NRXN1: variants seen among roughly 807,000 people sequenced by gnomAD.
NRXN1 encodes the protein neurexin-1.
In NRXN1, 39 loss-of-function variants were observed where a neutral mutation model predicts 150.9. That is an observed-to-expected ratio of 0.26 (90% CI 0.20 to 0.34). The LOEUF is 0.34. Among genes scored for constraint, NRXN1 ranks in the 10% least tolerant of loss-of-function variants. NRXN1 has a pLI of 1.00. For synonymous variants in NRXN1, 924 were observed against 757.0 expected (o/e 1.22, Z -3.62); for missense variants, 1,815 against 1,949.9 (o/e 0.93, Z 1.30).
intron 21 of NRXN1, among the ~76,000 whole-genome samples, chr2:49,947,005 A>C (rs112202509): frequency 2.0e-5 from 3 of 152,186 alleles, no homozygotes; most frequent in African/African-American, 7.2e-5. Context: ...TCCTTTTGGC[A>C]CAACTACATC....
At chr2:50,731,973 G>T (rs1257017935) in intron 5 of NRXN1, among the ~76,000 whole-genome samples, 1 of 152,068 alleles carries the variant, frequency 6.6e-6, no homozygotes. Flanking sequence ...TGAAATGTGT[G>T]CCTTCATCTG....
At chr2:50,200,012 T>A (rs1339416163) in intron 18 of NRXN1, among the ~76,000 whole-genome samples, 1 of 152,124 alleles carries the variant, frequency 6.6e-6, no homozygotes, top group East Asian at 1.9e-4. Flanking sequence ...GATGACAGAG[T>A]AACCTATTAA....
At chr2:51,029,481 C>G (rs116084465) in intron 1 of NRXN1, among the ~76,000 whole-genome samples, 11 of 152,058 alleles carry the variant, frequency 7.2e-5, no homozygotes, top group Non-Finnish European at 5.9e-5. Flanking sequence ...TTTTTCTTTT[C>G]GCAAGATAGT....
intron 2 of NRXN1, among the ~76,000 whole-genome samples, chr2:50,937,219 A>G (rs1688684571): frequency 6.6e-6 from 1 of 152,164 alleles, no homozygotes; most frequent in Non-Finnish European, 1.5e-5. Context: ...GATGTTAGCC[A>G]TTATATTATT....
chr2:50,542,316 C>T (rs1558909078), intron 9 of NRXN1, among the ~76,000 whole-genome samples: 2 of 151,820 alleles, frequency 1.3e-5, no homozygotes. Context: ...AGATAGAGAA[C>T]AAGCAACAAA....
At chr2:49,937,059 T>C (rs1671167286) in intron 22 of NRXN1, among the ~76,000 whole-genome samples, 1 of 152,212 alleles carries the variant, frequency 6.6e-6, no homozygotes, top group African/African-American at 2.4e-5. Flanking sequence ...ATGGAGGACT[T>C]GGGAGCCATC....
rs186601583 is a variant in NRXN1 at position 50,616,675 on chromosome 2, T to C, written c.1320+3347A>G. On this transcript the variant is annotated intron_variant, in intron 8 of 22. Transcript: ENST00000401669. ...GGTCAAGTAACTTCTCTAGGTCTGT[T>C]TCCCCAAAGGAAGAAAGTTGAACTT... Among the ~76,000 whole-genome samples the C allele has an allele frequency of 3.5e-3, 535 of 152,290 alleles. 3 individuals are homozygous for C. The highest frequency in any genetic ancestry group is 5.1e-3 in the Non-Finnish European group (346 of 68,014).
intron 19 of NRXN1, among the ~76,000 whole-genome samples, chr2:50,064,203 T>C (rs1478824011): frequency 6.6e-6 from 1 of 151,778 alleles, no homozygotes; most frequent in East Asian, 1.9e-4. Flanking sequence ...AGATAAAATA[T>C]GTGTCTCTAT....
chr2:49,949,137 T>C (rs1213495823), intron 21 of NRXN1, among the ~76,000 whole-genome samples: 3 of 152,008 alleles, frequency 2.0e-5, no homozygotes, highest in Admixed American at 6.6e-5. Flanking sequence ...TTGAGAAATA[T>C]GTCAGGACGG....
At chr2:50,360,386 T>G (rs993221111) in intron 17 of NRXN1, among the ~76,000 whole-genome samples, 1 of 152,138 alleles carries the variant, frequency 6.6e-6, no homozygotes, top group African/African-American at 2.4e-5. Context: ...CAGACACATA[T>G]AGGCTCAAAA....
intron 17 of NRXN1, among the ~76,000 whole-genome samples, chr2:50,424,543 C>G (rs957791894): frequency 1.2e-4 from 18 of 152,112 alleles, no homozygotes; most frequent in Non-Finnish European, 2.4e-4. Context: ...CTACCTAACA[C>G]TGGCTCTCTA....
At chr2:50,937,699 CTT>C (rs1688755220) in intron 2 of NRXN1, among the ~76,000 whole-genome samples, 1 of 152,054 alleles carries the variant, frequency 6.6e-6, no homozygotes, top group African/African-American at 2.4e-5. Flanking sequence ...ACAACTGTCT[CTT>C]AAACTCAAAA....
chr2:50,421,748 G>A (rs917905663), intron 17 of NRXN1, among the ~76,000 whole-genome samples: 1 of 152,070 alleles, frequency 6.6e-6, no homozygotes, highest in African/African-American at 2.4e-5. Context: ...AGTGCATACT[G>A]CAAGTTAAAA....
intron 18 of NRXN1, among the ~76,000 whole-genome samples, chr2:50,216,371 TGAG>T (rs2063401553): frequency 1.3e-5 from 2 of 152,100 alleles, no homozygotes; most frequent in Admixed American, 6.6e-5. Flanking sequence ...CAACACAGTA[TGAG>T]AAGAAGGGTT....
chr2:50,602,533 A>T (rs1195903184), intron 8 of NRXN1, among the ~76,000 whole-genome samples: 7 of 152,040 alleles, frequency 4.6e-5, no homozygotes, highest in African/African-American at 1.7e-4. Context: ...CTTATTTTTA[A>T]ATTTTGTACA....
rs571553931 is a variant in NRXN1 at position 50,500,304 on chromosome 2, G to A, written c.2498-2590C>T. Among the ~76,000 whole-genome samples the A allele has an allele frequency of 8.6e-5, 13 of 151,918 alleles. No individual in the cohort carries two copies. The South Asian group carries it at 2.3e-3, about 27-fold the overall frequency. The stretch of plus-strand genomic sequence containing the variant: ...GCACACAGAGCATAAATAATAAAAA[G>A]GTAGTACAACAGCATTGAAGCAACT... On this transcript the variant is annotated intron_variant, in intron 13 of 22. Transcript: ENST00000401669.
chr2:50,028,542 C>T (rs138328088), intron 21 of NRXN1, among the ~76,000 whole-genome samples: 1 of 152,320 alleles, frequency 6.6e-6, no homozygotes, highest in African/African-American at 2.4e-5. Flanking sequence ...AGCATTAAAA[C>T]AAGGGAGTCT....
In NRXN1 at chr2:50,347,073, G is replaced by A; in HGVS notation, c.3365-110103C>T. 7.2e-7 allele frequency: 1 copy of A among 1,381,842 alleles called. No individual in the cohort carries two copies. Among genetic ancestry groups the A allele is most frequent in the East Asian group, 4.2e-5 (1 of 23,566 alleles). 85.6% of individuals were successfully genotyped at this position (1,381,842 alleles called of 1,614,324 possible). On this transcript the variant is annotated intron_variant, in intron 17 of 22. Coordinates refer to ENST00000401669, the MANE Select transcript of NRXN1 (RefSeq NM_001330078.2). The surrounding 1 kb of genome is among the most constrained non-coding windows in gnomAD (Gnocchi z 4.9). ...AGGGGCCGGCCGCCTCACCGCGCCA[G>A]GGCACCCATCCTCTCCCTCCTTCGG... is the stretch of plus-strand genomic sequence containing the variant.
chr2:50,239,218 A>C (rs2065760338), intron 17 of NRXN1, among the ~76,000 whole-genome samples: 1 of 151,906 alleles, frequency 6.6e-6, no homozygotes, highest in Non-Finnish European at 1.5e-5. Context: ...TAGGACAAGA[A>C]CATAAAAAAG....
Sources: allele counts gnomAD v4.1 joint callset (sites outside exome capture counted in the v4.1 genomes callset), GRCh38; gene constraint gnomAD v4.1.1; non-coding constraint Gnocchi (gnomAD v3.1); transcripts MANE v1.5; gene names NCBI Gene and HGNC (gene_info 2026-07-23, HGNC 2026-07-21).